The following SMG6 variants were observed in gnomAD, a reference collection of about 807,000 sequenced individuals.
SMG6 encodes the protein SMG6 nonsense mediated mRNA decay factor.
SMG6 carries 66 observed loss-of-function variants against 142.2 expected under a neutral mutation model. The observed-to-expected ratio is 0.46, with a 90% CI of 0.38 to 0.57. The LOEUF (loss-of-function observed/expected upper bound fraction) is 0.57, where lower values mean the gene tolerates loss of function less well. SMG6 is among the 20% of genes least tolerant of loss of function. The pLI is 0.00. For synonymous variants in SMG6, 779 were observed against 702.4 expected (o/e 1.11, Z -1.72); for missense variants, 1,793 against 1,832.0 (o/e 0.98, Z 0.39).
At chr17:2,130,041 C>T (rs947916381) in intron 13 of SMG6, among the ~76,000 whole-genome samples, 4 of 151,082 alleles carry the variant, frequency 2.6e-5, no homozygotes, top group African/African-American at 4.9e-5. Context: ...GAGTGGATCA[C>T]GAGGTCAGGA....
intron 8 of SMG6, among the ~76,000 whole-genome samples, chr17:2,276,312 T>C (rs1307924804): frequency 1.3e-5 from 2 of 151,938 alleles, no homozygotes; most frequent in Non-Finnish European, 2.9e-5. Flanking sequence ...ACCCCAAACA[T>C]CTACAGCTAC....
intron 13 of SMG6, among the ~76,000 whole-genome samples, chr17:2,121,587 CTGTGTGTGTGTGTGTGTGTGTGTGTGTG>C (rs71150850): frequency 3.9e-4 from 55 of 139,876 alleles, no homozygotes; most frequent in African/African-American, 5.3e-4. Flanking sequence ...ACATGTCTGT[CTGTGTGTGTGTGTGTGTGTGTGTGTGTG>C]TGTGTGTGTG....
At position 2,300,114 on chromosome 17, in the gene SMG6, T is replaced by C. The variant is rs114525686; in HGVS notation, c.639A>G (p.Lys213=). The C allele has an allele frequency of 2.6e-4, 414 of 1,614,188 alleles. 1 individual carries two copies. The African/African-American group carries it at 5.1e-3, about 20-fold the overall frequency. Residue 213 remains lysine (K), a synonymous_variant, in exon 2 of 19, where the codon AAA becomes AAG. Transcript: ENST00000263073. ...SPGGGRVGAA[K]GEKGKRMGKG... ...TTCCCATCCTCTTTCCTTTTTCTCC[T>C]TTTGCAGCCCCTACTCTCCCACCAC... is the stretch of plus-strand genomic sequence containing the variant.
At chr17:2,130,280 AAAAAG>A (rs1318686985) in intron 13 of SMG6, among the ~76,000 whole-genome samples, 5 of 147,140 alleles carry the variant, frequency 3.4e-5, no homozygotes, top group Non-Finnish European at 7.4e-5. Flanking sequence ...AAAAAAAAAA[AAAAAG>A]AAACAGCATT....
chr17:2,161,437 T>G (rs2071177140), intron 13 of SMG6, among the ~76,000 whole-genome samples: 1 of 148,532 alleles, frequency 6.7e-6, no homozygotes, highest in Admixed American at 6.8e-5. Context: ...TGAGACAGAG[T>G]CTCACACACT....
chr17:2,174,137 G>A (rs1354018779), intron 12 of SMG6, among the ~76,000 whole-genome samples: 11 of 152,130 alleles, frequency 7.2e-5, no homozygotes, highest in African/African-American at 2.4e-4. Context: ...GGTGGCTCAC[G>A]CCTGTAATCC....
intron 10 of SMG6, among the ~76,000 whole-genome samples, chr17:2,214,927 T>C (rs548561682): frequency 6.6e-6 from 1 of 152,274 alleles, no homozygotes; most frequent in African/African-American, 2.4e-5. Context: ...GGTTACTTTC[T>C]GCATGCCACA....
chr17:2,291,312 C>G (rs1257510287), intron 6 of SMG6, among the ~76,000 whole-genome samples: 1 of 149,510 alleles, frequency 6.7e-6, no homozygotes, highest in Admixed American at 6.7e-5. Context: ...GCCTGAGCGA[C>G]AGAGCGAGAC....
chr17:2,148,799 C>T, intron 13 of SMG6, among the ~76,000 whole-genome samples: 1 of 150,892 alleles, frequency 6.6e-6, no homozygotes, highest in Non-Finnish European at 1.5e-5. Context: ...ACTGAGGTTG[C>T]AGTGAGCTGA....
At chr17:2,278,375 T>C (rs1247786039) in intron 8 of SMG6, among the ~76,000 whole-genome samples, 1 of 152,078 alleles carries the variant, frequency 6.6e-6, no homozygotes, top group South Asian at 2.1e-4. Flanking sequence ...GGTAACTTTT[T>C]TGTATTTTTA....
intron 6 of SMG6, among the ~76,000 whole-genome samples, chr17:2,284,706 C>T (rs1243081750): frequency 1.3e-5 from 2 of 152,184 alleles, no homozygotes; most frequent in Non-Finnish European, 2.9e-5. Context: ...GTGCCTGAGT[C>T]TGAATTCGGT....
intron 16 of SMG6, among the ~76,000 whole-genome samples, chr17:2,066,696 A>ACACACACACACACAC (rs1555529730): frequency 6.8e-5 from 3 of 43,892 alleles, no homozygotes; most frequent in South Asian, 7.6e-4. Context: ...CACACACACA[A>ACACACACACACACAC]TGCCCATGCT....
chr17:2,278,406 T>C (rs1468789360), intron 8 of SMG6, among the ~76,000 whole-genome samples: 1 of 152,138 alleles, frequency 6.6e-6, no homozygotes, highest in Non-Finnish European at 1.5e-5. Flanking sequence ...GGTTTCACCA[T>C]GTTGGCCAGG....
At chr17:2,141,159 C>T (rs1296735272) in intron 13 of SMG6, among the ~76,000 whole-genome samples, 1 of 152,178 alleles carries the variant, frequency 6.6e-6, no homozygotes. Flanking sequence ...TCACATGTGG[C>T]CAGTGGCTAC....
intron 11 of SMG6, among the ~76,000 whole-genome samples, chr17:2,187,189 A>T (rs532580496): frequency 6.6e-6 from 1 of 152,356 alleles, no homozygotes; most frequent in Admixed American, 6.5e-5. Flanking sequence ...AGGAAACACC[A>T]GAGAAACCCA....
At chr17:2,156,678 AG>A (rs1336287638) in intron 13 of SMG6, among the ~76,000 whole-genome samples, 2 of 152,156 alleles carry the variant, frequency 1.3e-5, no homozygotes, top group African/African-American at 4.8e-5. Context: ...TTTTTGAGAC[AG>A]GGTCTTGCTG....
At position 2,299,356 on chromosome 17, in the gene SMG6, G is replaced by A. The variant is rs2075217878; in HGVS notation, c.1397C>T (p.Ala466Val). ...WDPNNPDQKP[A>V]LKTQTPQLHF... ...TAGCTGGGGCGTCTGAGTCTTTAGA[G>A]CAGGTTTCTGATCAGGATTGTTTGG... Residue 466 changes from alanine (A) to valine (V), a missense_variant, in exon 2 of 19, where the codon GCT becomes GTT. Ala to Val is a moderately conservative substitution (Grantham distance 64). This residue lies in a region of SMG6 where 1,597 missense variants were observed against 1,584.6 expected (regional missense o/e 1.01). Coordinates refer to ENST00000263073, the MANE Select transcript of SMG6 (RefSeq NM_017575.5). The surrounding 1 kb of genome is among the most constrained non-coding windows in gnomAD (Gnocchi z 4.3). The A allele has an allele frequency of 2.5e-6, 4 of 1,614,048 alleles. No individual in the cohort carries two copies. Among genetic ancestry groups the A allele is most frequent in the Non-Finnish European group, 3.4e-6 (4 of 1,180,034 alleles).
chr17:2,185,215 G>C (rs760553061), intron 12 of SMG6, among the ~76,000 whole-genome samples: 2 of 152,066 alleles, frequency 1.3e-5, no homozygotes, highest in Non-Finnish European at 2.9e-5. Flanking sequence ...AGTAAACACA[G>C]ACAGACATGG....
intron 13 of SMG6, among the ~76,000 whole-genome samples, chr17:2,122,127 T>C (rs578046095): frequency 7.2e-5 from 11 of 152,090 alleles, no homozygotes; most frequent in African/African-American, 2.4e-4. Flanking sequence ...AAAAAAATTA[T>C]TTAAAAGAAG....
Sources: gnomAD v4.1 joint callset for allele counts (sites outside exome capture counted in the v4.1 genomes callset) on GRCh38, gnomAD v4.1.1 for gene constraint, gnomAD v4.1.1 regional missense constraint, Gnocchi (gnomAD v3.1) non-coding constraint, MANE v1.5 for transcripts, NCBI Gene and HGNC (gene_info 2026-07-23, HGNC 2026-07-21) for gene names.